Variants in PTPN14 observed in about 807,000 individuals in gnomAD.
PTPN14 encodes protein tyrosine phosphatase non-receptor type 14.
A neutral mutation model predicts 126.8 loss-of-function variants in PTPN14; 53 were observed. That is an observed-to-expected ratio of 0.42 (90% CI 0.34 to 0.53). PTPN14 has a LOEUF of 0.53. Among genes scored for constraint, PTPN14 ranks in the 20% least tolerant of loss-of-function variants. The probability of loss-of-function intolerance (pLI) is 0.08; values close to 1 mark genes in which losing one functional copy is unlikely to be tolerated. For synonymous variants in PTPN14, 630 were observed against 599.3 expected (o/e 1.05, Z -0.75); for missense variants, 1,257 against 1,552.9 (o/e 0.81, Z 3.20).
intron 17 of PTPN14, among the ~76,000 whole-genome samples, chr1:214,366,547 G>C (rs1658085128): frequency 6.6e-6 from 1 of 152,168 alleles, no homozygotes; most frequent in South Asian, 2.1e-4. Context: ...CTGGCGGGCA[G>C]TAAACAATTT....
intron 1 of PTPN14, among the ~76,000 whole-genome samples, chr1:214,505,921 G>C (rs4077549): frequency 6.6e-6 from 1 of 152,076 alleles, no homozygotes; most frequent in Non-Finnish European, 1.5e-5. Context: ...GTAATAAGCA[G>C]AAAATATTCC....
At chr1:214,358,168 C>A in intron 18 of PTPN14, 118 bp from the exon 19 acceptor site, 1 of 1,251,420 alleles carries the variant, frequency 8.0e-7, no homozygotes, top group Non-Finnish European at 1.1e-6. Context: ...CAAGAGAAGG[C>A]AAGGGACTCT....
intron 1 of PTPN14, among the ~76,000 whole-genome samples, chr1:214,540,959 T>G (rs1299131878): frequency 6.6e-6 from 1 of 152,188 alleles, no homozygotes; most frequent in Non-Finnish European, 1.5e-5. Context: ...ACATTTCTCT[T>G]ACATCTATTA....
chr1:214,390,808 C>T (rs1571968734), intron 11 of PTPN14, among the ~76,000 whole-genome samples, 180 bp downstream of exon 11: 1 of 152,172 alleles, frequency 6.6e-6, no homozygotes, highest in East Asian at 1.9e-4. Context: ...TAGTGGTGGG[C>T]ATGGATGGGT....
At chr1:214,483,855 C>T (rs1558124028) in intron 1 of PTPN14, among the ~76,000 whole-genome samples, 1 of 152,184 alleles carries the variant, frequency 6.6e-6, no homozygotes, top group Non-Finnish European at 1.5e-5. Context: ...ACCTTTACCA[C>T]CTAACTCATA....
rs192691029 is a variant in PTPN14, at chr1:214,472,130, C to T, written c.-154-7173G>A. Among the ~76,000 whole-genome samples the T allele has an allele frequency of 3.3e-3, 507 of 152,256 alleles. 2 individuals carry two copies. Among genetic ancestry groups the T allele is most frequent in the African/African-American group, 0.012 (496 of 41,544 alleles). On this transcript the variant is annotated intron_variant, in intron 1 of 18. Coordinates refer to ENST00000366956, the MANE Select transcript of PTPN14 (RefSeq NM_005401.5). ...GGCAGGAAGTGAAATAAATGTTTCT[C>T]ATTGATATGGTTTGAATATATGTCC... is the stretch of plus-strand genomic sequence containing the variant.
chr1:214,517,064 C>T lies in PTPN14; in HGVS notation c.-155+34119G>A, dbSNP rs191067232. ...CCAACCTTCCAGGCCCAGCTATCTC[C>T]TCCGCTCCTAAGGCTGTCACCTGTC... On this transcript the variant is annotated intron_variant, in intron 1 of 18. Coordinates refer to ENST00000366956, the MANE Select transcript of PTPN14 (RefSeq NM_005401.5). Among the ~76,000 whole-genome samples, 3 of 152,290 alleles carry T rather than the reference C, an allele frequency of 2.0e-5. No individual in the cohort carries two copies. In the East Asian group the frequency reaches 5.8e-4, roughly 29 times the overall value.
intron 1 of PTPN14, among the ~76,000 whole-genome samples, chr1:214,519,980 C>T (rs1175365022): frequency 1.4e-5 from 2 of 145,096 alleles, no homozygotes; most frequent in Non-Finnish European, 3.0e-5. Context: ...CCGCGGGGTT[C>T]GAGGCCACAG....
Position 214,451,867 on chromosome 1 carries a change from C to A in PTPN14, c.282G>T (p.Leu94Phe), listed in dbSNP as rs1177268412. 6.2e-7 allele frequency: 1 copy of A among 1,614,212 alleles called. No individual in the cohort carries two copies. The highest frequency in any genetic ancestry group is 1.1e-5 in the South Asian group (1 of 91,088). Residue 94 changes from leucine (L) to phenylalanine (F), a missense_variant, in exon 3 of 19, where the codon TTG becomes TTT. Physicochemically the swap from Leu to Phe is conservative, Grantham distance 22. Transcript: ENST00000366956. ...KHLDKFANEP[L>F]LFFGVMFYVP... ...CATAGAACATGACTCCAAAGAAAAGCAAAGGCTCATTAGCGAATTTGTCCA... is the reference window on the plus strand; with the variant it reads ...CATAGAACATGACTCCAAAGAAAAGAAAAGGCTCATTAGCGAATTTGTCCA...
chr1:214,362,735 G>A (rs1255006069), intron 18 of PTPN14, among the ~76,000 whole-genome samples: 1 of 152,220 alleles, frequency 6.6e-6, no homozygotes, highest in Non-Finnish European at 1.5e-5. Context: ...GAGTGGCCAG[G>A]CTTACGCCTG....
chr1:214,452,067 C>T, intron 2 of PTPN14, 93 bp from the exon 3 acceptor site: 1 of 1,392,904 alleles, frequency 7.2e-7, no homozygotes, highest in East Asian at 2.3e-5. Context: ...TGCATCCCAC[C>T]CTGGGTTCCC....
At chr1:214,405,064 A>G (rs994718410) in intron 5 of PTPN14, among the ~76,000 whole-genome samples, 4 of 152,046 alleles carry the variant, frequency 2.6e-5, no homozygotes, top group African/African-American at 9.7e-5. Context: ...CTCTTCTAAC[A>G]CACACTGCTT....
intron 1 of PTPN14, among the ~76,000 whole-genome samples, chr1:214,514,289 G>T (rs1260820624): frequency 2.0e-5 from 3 of 152,022 alleles, no homozygotes; most frequent in African/African-American, 7.2e-5. Flanking sequence ...GCCCTCAAAC[G>T]CTCTACAAAG....
At chr1:214,498,639 T>G (rs2102427625) in intron 1 of PTPN14, among the ~76,000 whole-genome samples, 1 of 152,272 alleles carries the variant, frequency 6.6e-6, no homozygotes, top group East Asian at 1.9e-4. Flanking sequence ...ATTTAAAAAT[T>G]CTCAATTTCC....
At chr1:214,528,204 T>A (rs1431875828) in intron 1 of PTPN14, 1 of 152,212 alleles carries the variant, frequency 6.6e-6, no homozygotes, top group Non-Finnish European at 1.5e-5. Flanking sequence ...TTATTTTATT[T>A]CATGCATTAA....
intron 12 of PTPN14, 71 bp downstream of exon 12, chr1:214,386,773 A>T (rs1658624781): frequency 4.4e-6 from 6 of 1,368,692 alleles, no homozygotes; most frequent in African/African-American, 2.9e-5. Context: ...TCTTTTTTTT[A>T]AAGCCTTCTT....
At chr1:214,360,512 G>A (rs1333100631) in intron 18 of PTPN14, among the ~76,000 whole-genome samples, 1 of 152,230 alleles carries the variant, frequency 6.6e-6, no homozygotes, top group Non-Finnish European at 1.5e-5. Context: ...AGTATAAGAT[G>A]TGACCTAGAG....
rs936031647 is a variant in PTPN14 at position 214,351,611 on chromosome 1, G to C, written c.*6311C>G. 2.6e-5 allele frequency: 4 copies of C among 152,272 alleles called. No homozygotes were observed. The highest frequency in any genetic ancestry group is 9.6e-5 in the African/African-American group (4 of 41,460). 9.4% of individuals were successfully genotyped at this position (152,272 alleles called of 1,614,324 possible). ...TCTGCTAACAAGCAAGGCAAGGAAA[G>C]GCTGCCAGCAGCAGGCGAGGGAAGA... On this transcript the variant is annotated 3_prime_UTR_variant, in exon 19 of 19. Coordinates refer to ENST00000366956, the MANE Select transcript of PTPN14 (RefSeq NM_005401.5).
At chr1:214,502,295 T>C (rs1433195808) in intron 1 of PTPN14, among the ~76,000 whole-genome samples, 4 of 152,054 alleles carry the variant, frequency 2.6e-5, no homozygotes, top group African/African-American at 7.2e-5. Context: ...TTTACCATGA[T>C]AATTAAGAGC....
Sources: gnomAD v4.1 joint callset for allele counts (sites outside exome capture counted in the v4.1 genomes callset) on GRCh38, gnomAD v4.1.1 for gene constraint, MANE v1.5 for transcripts, NCBI Gene and HGNC (gene_info 2026-07-23, HGNC 2026-07-21) for gene names.